Variants in AGBL4 observed in about 807,000 individuals in gnomAD.
The protein encoded by AGBL4 is cytosolic carboxypeptidase 6.
Under a neutral mutation model 66.4 loss-of-function variants are expected in AGBL4, and 58 were observed. That is an observed-to-expected ratio of 0.87 (90% CI 0.71 to 1.09). The LOEUF is 1.09. Ranked by LOEUF, AGBL4 falls within the 50% of genes least tolerant of loss-of-function variation. The pLI, the probability that AGBL4 is intolerant of heterozygous loss-of-function variation, is 0.00. For missense variants in AGBL4, 579 were observed against 631.0 expected, an observed-to-expected ratio of 0.92 and a Z score of 0.88; for synonymous variants, 234 against 222.9, an observed-to-expected ratio of 1.05 and a Z score of -0.44.
Position 48,898,720 on chromosome 1 carries a change from A to G in AGBL4, c.595-31490T>C, listed in dbSNP as rs370004696. Among the ~76,000 whole-genome samples, 7 of 152,170 alleles carry G rather than the reference A, an allele frequency of 4.6e-5. No homozygotes were observed. The East Asian group carries it at 1.4e-3, about 29-fold the overall frequency. On this transcript the variant is annotated intron_variant, in intron 5 of 13. Coordinates refer to ENST00000371839, the MANE Select transcript of AGBL4 (RefSeq NM_032785.4). ...TTTGTAGTAAATTTTGAAGTCTGGT[A>G]GTGTGATGCTTCCAGCCTTGTTCTT...
chr1:49,874,892 G>A (rs911853915), intron 1 of AGBL4, among the ~76,000 whole-genome samples: 1 of 151,432 alleles, frequency 6.6e-6, no homozygotes, highest in Non-Finnish European at 1.5e-5. Flanking sequence ...AGTTACATAT[G>A]TATACATGTG....
At chr1:49,275,778 A>C (rs1309253512) in intron 3 of AGBL4, among the ~76,000 whole-genome samples, 1 of 151,952 alleles carries the variant, frequency 6.6e-6, no homozygotes, top group Non-Finnish European at 1.5e-5. Context: ...TTATTCTCTG[A>C]TTTTTCTCAA....
intron 3 of AGBL4, among the ~76,000 whole-genome samples, chr1:49,363,942 C>A (rs1431405444): frequency 6.6e-6 from 1 of 152,132 alleles, no homozygotes; most frequent in African/African-American, 2.4e-5. Flanking sequence ...GGGAAAAACA[C>A]AGGGGGGCTG....
At chr1:49,259,855 T>C (rs1437265445) in intron 3 of AGBL4, among the ~76,000 whole-genome samples, 1 of 132,742 alleles carries the variant, frequency 7.5e-6, no homozygotes, top group African/African-American at 2.9e-5. Flanking sequence ...AGAATATACA[T>C]TTTTTTCAGC....
At chr1:49,892,994 T>C (rs1003920465) in intron 1 of AGBL4, among the ~76,000 whole-genome samples, 20 of 152,084 alleles carry the variant, frequency 1.3e-4, no homozygotes, top group Admixed American at 1.1e-3. Flanking sequence ...AGAAATAGTA[T>C]AAATAGAAGT....
At chr1:48,972,873 T>C (rs886127112) in intron 5 of AGBL4, among the ~76,000 whole-genome samples, 8 of 152,198 alleles carry the variant, frequency 5.3e-5, no homozygotes, top group African/African-American at 1.9e-4. Flanking sequence ...TGTTACGCAG[T>C]AAGGGCTGCA....
chr1:49,049,341 A>C (rs996799115), intron 4 of AGBL4, among the ~76,000 whole-genome samples: 24 of 152,206 alleles, frequency 1.6e-4, no homozygotes, highest in Admixed American at 1.6e-3. Flanking sequence ...CCTTTAACAC[A>C]GCTCTTCTCT....
intron 1 of AGBL4, among the ~76,000 whole-genome samples, chr1:49,944,116 C>A (rs185517851): frequency 6.6e-6 from 1 of 152,132 alleles, no homozygotes; most frequent in Non-Finnish European, 1.5e-5. Context: ...TTCCTACCCA[C>A]CCTGGTAGCT....
At chr1:48,682,274 A>G (rs1010554912) in intron 6 of AGBL4, among the ~76,000 whole-genome samples, 1 of 152,262 alleles carries the variant, frequency 6.6e-6, no homozygotes, top group African/African-American at 2.4e-5. Flanking sequence ...AAAGTCATAC[A>G]GAGGGCCAGG....
chr1:49,209,481 T>C (rs772619768), intron 4 of AGBL4, among the ~76,000 whole-genome samples: 46 of 152,132 alleles, frequency 3.0e-4, no homozygotes, highest in Non-Finnish European at 4.7e-4. Flanking sequence ...TCTATTTCTA[T>C]TTATGTTGCA....
At chr1:48,693,251 A>G (rs1318344127) in intron 6 of AGBL4, among the ~76,000 whole-genome samples, 1 of 152,116 alleles carries the variant, frequency 6.6e-6, no homozygotes, top group Non-Finnish European at 1.5e-5. Context: ...ATTGGCTGGG[A>G]AAGGGAGTGT....
chr1:49,088,424 G>GA (rs570681620), intron 4 of AGBL4, among the ~76,000 whole-genome samples: 1 of 151,898 alleles, frequency 6.6e-6, no homozygotes, highest in African/African-American at 2.4e-5. Context: ...ACAGAAAACA[G>GA]AAAAAAGCAG....
At chr1:49,986,345 C>T (rs1447460213) in intron 1 of AGBL4, among the ~76,000 whole-genome samples, 2 of 151,990 alleles carry the variant, frequency 1.3e-5, no homozygotes, top group African/African-American at 2.4e-5. Flanking sequence ...ATTTACTGCC[C>T]ATTTCTTTAA....
intron 4 of AGBL4, among the ~76,000 whole-genome samples, chr1:49,080,102 T>C (rs964796248): frequency 2.0e-5 from 3 of 152,230 alleles, no homozygotes; most frequent in Admixed American, 1.3e-4. Flanking sequence ...AGGACTTGCC[T>C]AAATCTTAAT....
chr1:49,977,429 A>C (rs1658659972), intron 1 of AGBL4, among the ~76,000 whole-genome samples: 1 of 152,238 alleles, frequency 6.6e-6, no homozygotes, highest in African/African-American at 2.4e-5. Flanking sequence ...TGTAGACATA[A>C]TAAACTTTCA....
chr1:48,882,043 G>A (rs1649840831), intron 5 of AGBL4, among the ~76,000 whole-genome samples: 2 of 152,340 alleles, frequency 1.3e-5, no homozygotes, highest in Middle Eastern at 3.4e-3. Context: ...GAGGTCAGGA[G>A]TTTGAGATTT....
intron 3 of AGBL4, among the ~76,000 whole-genome samples, chr1:49,497,677 G>A (rs898259237): frequency 2.0e-5 from 3 of 151,876 alleles, no homozygotes; most frequent in Non-Finnish European, 4.4e-5. Context: ...CACGTTCGTT[G>A]AAAATAAATT....
chr1:49,944,104 CT>C (rs751832330), intron 1 of AGBL4, among the ~76,000 whole-genome samples: 1 of 152,052 alleles, frequency 6.6e-6, no homozygotes, highest in Non-Finnish European at 1.5e-5. Context: ...CCTGATGGTC[CT>C]TTCCTACCCA....
chr1:50,011,762 A>C (rs1213339465), intron 1 of AGBL4, among the ~76,000 whole-genome samples: 1 of 152,254 alleles, frequency 6.6e-6, no homozygotes, highest in Non-Finnish European at 1.5e-5. Flanking sequence ...CATTATGCTA[A>C]GTGAAATAAA....
Sources: allele counts gnomAD v4.1 joint callset (sites outside exome capture counted in the v4.1 genomes callset), GRCh38; gene constraint gnomAD v4.1.1; transcripts MANE v1.5; gene names NCBI Gene and HGNC (gene_info 2026-07-23, HGNC 2026-07-21).